IFT172: variants seen among roughly 807,000 people sequenced by gnomAD.
IFT172 encodes intraflagellar transport 172.
Under a neutral mutation model 248.9 loss-of-function variants are expected in IFT172, and 164 were observed. The ratio of observed to expected loss-of-function variants is 0.66; its 90% confidence interval spans 0.58 to 0.75. The LOEUF (loss-of-function observed/expected upper bound fraction) is 0.75, where lower values mean the gene tolerates loss of function less well. Among genes scored for constraint, IFT172 ranks in the 30% least tolerant of loss-of-function variants. The probability of loss-of-function intolerance (pLI) is 0.00; values close to 1 mark genes in which losing one functional copy is unlikely to be tolerated. For synonymous variants in IFT172, 729 were observed against 791.6 expected, an observed-to-expected ratio of 0.92 and a Z score of 1.33; for missense variants, 1,950 against 2,192.4, an observed-to-expected ratio of 0.89 and a Z score of 2.21.
At chr2:27,483,509 G>T (rs1179282028) in intron 6 of IFT172, 71 bp downstream of exon 6, 3 of 1,524,960 alleles carry the variant, frequency 2.0e-6, no homozygotes, top group Non-Finnish European at 2.7e-6. Flanking sequence ...CTATGGTCTT[G>T]CAGTCCAGAC....
intron 43 of IFT172, 102 bp from the exon 44 acceptor site, chr2:27,446,090 T>A: frequency 6.8e-7 from 1 of 1,475,420 alleles, no homozygotes; most frequent in Non-Finnish European, 9.5e-7. Context: ...TGGGCTTGAA[T>A]GCTATTTCTC....
Position 27,449,546 on chromosome 2 carries a change from C to A in IFT172, c.4177G>T (p.Asp1393Tyr). 6.2e-7 allele frequency: 1 copy of A among 1,614,180 alleles called. No individual in the cohort carries two copies. The highest frequency in any genetic ancestry group is 1.1e-5 in the South Asian group (1 of 91,078). ...TTGAGGAACTCTTTATAATGCTGGT[C>A]CACATAGTCTTCATACCTGTGAAGA... Reference protein sequence around the residue: ...ELDPRYEDYVDQHYKEFLKNQ... With the variant: ...ELDPRYEDYVYQHYKEFLKNQ... Residue 1393 changes from aspartate (D) to tyrosine (Y), a missense_variant, in exon 38 of 48, where the codon GAC becomes TAC. This residue lies in a region of IFT172 where 620 missense variants were observed against 699.0 expected (regional missense o/e 0.89). Transcript: ENST00000260570.
At chr2:27,461,555 C>G in intron 21 of IFT172, 38 bp from the exon 22 acceptor site, 1 of 1,604,796 alleles carries the variant, frequency 6.2e-7, no homozygotes, top group Non-Finnish European at 8.5e-7. Context: ...GTCACATCCC[C>G]CTTCCTACCC....
chr2:27,483,062 G>T lies in IFT172; in HGVS notation c.570+227C>A, dbSNP rs113832261. ...CTGTCACCCAGGCTGTAGTGCAGTG[G>T]TGCTATTTCAGCTCACTTGCAGGCT... On this transcript the variant is annotated intron_variant, in intron 7 of 47. Transcript: ENST00000260570. Among the ~76,000 whole-genome samples, 228 of 148,540 alleles carry T rather than the reference G, an allele frequency of 1.5e-3. 4 individuals carry two copies. Among genetic ancestry groups the T allele is most frequent in the African/African-American group, 5.3e-3 (215 of 40,214 alleles).
chr2:27,465,214 C>A, intron 18 of IFT172, 197 bp downstream of exon 18: 1 of 591,144 alleles, frequency 1.7e-6, no homozygotes, highest in South Asian at 2.1e-5. Context: ...GCCATCACGC[C>A]TGGTCAAGGC....
Position 27,477,264 on chromosome 2 carries a change from G to A in IFT172, c.1278C>T (p.Asp426=). 1 of 1,614,138 alleles carries A rather than the reference G, an allele frequency of 6.2e-7. No individual in the cohort carries two copies. Among genetic ancestry groups the A allele is most frequent in the Non-Finnish European group, 8.5e-7 (1 of 1,180,016 alleles). ...ATTCAGTGCGTACAGAACCCAGGGT[G>A]TCATTATTCCCATATTCCACCAGGG... ...ELTLVEYGNN[D]TLGSVRTEFM... Residue 426 remains aspartate, a synonymous_variant, in exon 13 of 48, where the codon GAC becomes GAT. Transcript: ENST00000260570.
intron 35 of IFT172, among the ~76,000 whole-genome samples, chr2:27,451,891 AC>A (rs1364970694): frequency 6.6e-6 from 1 of 151,878 alleles, no homozygotes; most frequent in East Asian, 1.9e-4. Flanking sequence ...CATGACCCCC[AC>A]TCACATTTCA....
intron 7 of IFT172, among the ~76,000 whole-genome samples, chr2:27,481,916 T>C (rs1453472701): frequency 6.6e-6 from 1 of 151,994 alleles, no homozygotes; most frequent in Non-Finnish European, 1.5e-5. Flanking sequence ...CAACACCGTC[T>C]GGGCCCACAA....
chr2:27,489,717 C>T lies in IFT172; in HGVS notation c.-64G>A, dbSNP rs866546325. On this transcript the variant is annotated 5_prime_UTR_variant, in exon 1 of 48. Coordinates refer to ENST00000260570, the MANE Select transcript of IFT172 (RefSeq NM_015662.3). ...AACTCCCGTGGTTACCTGGACAACC[C>T]GCCACGCAGCCGCAGCGACAGGCAC... 31 of 1,312,444 alleles carry T rather than the reference C, an allele frequency of 2.4e-5. No homozygotes were observed. The African/African-American group carries it at 4.2e-4, about 18-fold the overall frequency. The allele number at this position is 1,312,444 out of a possible 1,614,324, so 81.3% of individuals were successfully genotyped here.
rs569757422 is a variant in IFT172, at chr2:27,461,524, A to G, written c.2194-7T>C. The G allele has an allele frequency of 5.6e-6, 9 of 1,613,576 alleles. No homozygotes were observed. In the African/African-American group the frequency reaches 9.3e-5, roughly 17 times the overall value. On this transcript the variant is annotated splice_polypyrimidine_tract_variant and splice_region_variant and intron_variant, in intron 21 of 47. Transcript: ENST00000260570. The stretch of plus-strand genomic sequence containing the variant: ...TCTCCAGGGCTGGGTGCCCCTGGAC[A>G]TGCACAGAGGACAACTAGGAGTCAC...
intron 23 of IFT172, 109 bp downstream of exon 23, chr2:27,460,906 G>A (rs1488333162): frequency 1.5e-5 from 17 of 1,161,514 alleles, no homozygotes; most frequent in Non-Finnish European, 2.0e-5. Flanking sequence ...CCCACCTTAC[G>A]AGAAACACCC....
intron 35 of IFT172, 29 bp downstream of exon 35, chr2:27,453,355 G>A: frequency 6.2e-7 from 1 of 1,613,692 alleles, no homozygotes; most frequent in Non-Finnish European, 8.5e-7. Context: ...TAGGGAGAAG[G>A]AGGGCCAGAA....
At chr2:27,474,307 G>C (rs1201981904) in intron 14 of IFT172, among the ~76,000 whole-genome samples, 2 of 152,108 alleles carry the variant, frequency 1.3e-5, no homozygotes, top group African/African-American at 4.8e-5. Context: ...ACTATTTTAA[G>C]AATGGACTCA....
At chr2:27,457,818 G>A (rs2148497301) in intron 28 of IFT172, 23 bp downstream of exon 28, 1 of 1,614,138 alleles carries the variant, frequency 6.2e-7, no homozygotes, top group African/African-American at 1.3e-5. Context: ...GAAGAGATAG[G>A]GAGAGCCAGG....
At chr2:27,455,775 T>C (rs528937209) in intron 30 of IFT172, 13 of 467,412 alleles carry the variant, frequency 2.8e-5, no homozygotes, top group African/African-American at 2.7e-4. Context: ...TTGGTTTTAT[T>C]GTACTGACAA....
In IFT172 at chr2:27,489,658, C is replaced by T. The variant is rs1171209923; in HGVS notation, c.-5G>A. The T allele has an allele frequency of 1.2e-6, 2 of 1,610,660 alleles. No homozygotes were observed. Among genetic ancestry groups the T allele is most frequent in the African/African-American group, 1.3e-5 (1 of 74,834 alleles). ...CCTCAGGTGCTTCAAGTGCATGACG[C>T]ACACCTGTCTTTCAGATGCTCCTAG... On this transcript the variant is annotated 5_prime_UTR_variant, in exon 1 of 48. Transcript: ENST00000260570.
chr2:27,478,319 G>A (rs898355981), intron 10 of IFT172, among the ~76,000 whole-genome samples, 163 bp from the exon 11 acceptor site: 3 of 152,156 alleles, frequency 2.0e-5, no homozygotes, highest in Non-Finnish European at 4.4e-5. Context: ...ATGTTTATAT[G>A]GGGCTTTACT....
chr2:27,478,303 T>C, intron 10 of IFT172, 147 bp from the exon 11 acceptor site: 1 of 857,404 alleles, frequency 1.2e-6, no homozygotes, highest in South Asian at 1.8e-5. Flanking sequence ...ATAGTAATGA[T>C]ATCTTATGTT....
At chr2:27,459,018 A>G in intron 25 of IFT172, 150 bp from the exon 26 acceptor site, 1 of 771,198 alleles carries the variant, frequency 1.3e-6, no homozygotes, top group Non-Finnish European at 2.0e-6. Flanking sequence ...TGGGTGTCTC[A>G]TACATTCTAC....
Sources: allele counts gnomAD v4.1 joint callset (sites outside exome capture counted in the v4.1 genomes callset), GRCh38; gene constraint gnomAD v4.1.1; regional missense constraint gnomAD v4.1.1; transcripts MANE v1.5; gene names NCBI Gene and HGNC (gene_info 2026-07-23, HGNC 2026-07-21).